The following GPD2 variants were observed in gnomAD, a reference collection of about 807,000 sequenced individuals.
GPD2 encodes glycerol-3-phosphate dehydrogenase 2.
A neutral mutation model predicts 82.4 loss-of-function variants in GPD2; 54 were observed. The observed-to-expected ratio is 0.66, with a 90% CI of 0.53 to 0.82. The LOEUF is 0.82. Among genes scored for constraint, GPD2 ranks in the 40% least tolerant of loss-of-function variants. The pLI is 0.00. For missense variants in GPD2, 748 were observed against 896.2 expected (o/e 0.83, Z 2.11); for synonymous variants, 288 against 306.1 (o/e 0.94, Z 0.62).
intron 1 of GPD2, among the ~76,000 whole-genome samples, chr2:156,451,849 T>TGGGCGGAGGGTCTCCTCACTTCTCAGAC (rs1558905110): frequency 2.7e-5 from 4 of 147,106 alleles, no homozygotes. Context: ...ACTTCTCAGA[T>TGGGCGGAGGGTCTCCTCACTTCTCAGAC]GGGCGGAGGG....
chr2:156,530,626 A>T (rs1329410507), intron 6 of GPD2, among the ~76,000 whole-genome samples: 1 of 151,882 alleles, frequency 6.6e-6, no homozygotes, highest in Non-Finnish European at 1.5e-5. Flanking sequence ...ATTTATTGAG[A>T]GTTTTTAGCA....
At chr2:156,441,524 G>A (rs1260457138) in intron 1 of GPD2, among the ~76,000 whole-genome samples, 3 of 152,090 alleles carry the variant, frequency 2.0e-5, no homozygotes, top group South Asian at 4.1e-4. Flanking sequence ...GTGCCACTAC[G>A]CTCCAGCCTG....
chr2:156,551,282 C>T (rs1339898297), intron 8 of GPD2, among the ~76,000 whole-genome samples: 1 of 151,884 alleles, frequency 6.6e-6, no homozygotes, highest in Non-Finnish European at 1.5e-5. Flanking sequence ...AAGAAATGGG[C>T]AGGAGTAGAG....
rs1683483720 is a variant in GPD2 at position 156,475,648 on chromosome 2, C to A, written c.-8-450C>A. ...TACCACAATTTGAATTAAACACTTG[C>A]CAAAGAACCTGAAGCAAGCTGATGT... is the stretch of plus-strand genomic sequence containing the variant. On this transcript the variant is annotated intron_variant, in intron 1 of 16. Coordinates refer to ENST00000438166, the MANE Select transcript of GPD2 (RefSeq NM_000408.5). Among the ~76,000 whole-genome samples the A allele has an allele frequency of 1.3e-5, 2 of 152,174 alleles. 1 individual carries two copies. Among genetic ancestry groups the A allele is most frequent in the South Asian group, 4.1e-4 (2 of 4,826 alleles).
At chr2:156,420,863 G>A in the GPD2 span, among the ~76,000 whole-genome samples, 1 of 152,150 alleles carries the variant, frequency 6.6e-6, no homozygotes, top group Non-Finnish European at 1.5e-5. Context: ...GAGATACAAG[G>A]CTCCTTGCTG....
At chr2:156,520,197 T>C (rs933329884) in intron 6 of GPD2, among the ~76,000 whole-genome samples, 1 of 152,052 alleles carries the variant, frequency 6.6e-6, no homozygotes, top group Non-Finnish European at 1.5e-5. Context: ...AGGTACAGGA[T>C]GGGGGTGTTG....
At chr2:156,574,886 A>G (rs1332295087) in intron 13 of GPD2, among the ~76,000 whole-genome samples, 1 of 152,346 alleles carries the variant, frequency 6.6e-6, no homozygotes, top group Middle Eastern at 3.4e-3. Flanking sequence ...GGTGGCAGGC[A>G]TCATATTCTT....
chr2:156,452,375 A>C (rs1168175307), intron 1 of GPD2, among the ~76,000 whole-genome samples: 1 of 152,230 alleles, frequency 6.6e-6, no homozygotes, highest in Non-Finnish European at 1.5e-5. Context: ...AACACAGCAA[A>C]ACCCCGTCTC....
At chr2:156,526,982 C>T (rs1685631824) in intron 6 of GPD2, among the ~76,000 whole-genome samples, 1 of 152,160 alleles carries the variant, frequency 6.6e-6, no homozygotes, top group Non-Finnish European at 1.5e-5. Context: ...CTGCTGTACC[C>T]ATTCTTCACA....
chr2:156,456,938 G>A (rs1177773540), intron 1 of GPD2, among the ~76,000 whole-genome samples: 1 of 152,194 alleles, frequency 6.6e-6, no homozygotes, highest in Non-Finnish European at 1.5e-5. Context: ...TGGCACTTGA[G>A]ATGGGATCAC....
intron 1 of GPD2, among the ~76,000 whole-genome samples, chr2:156,464,565 G>A (rs1242319325): frequency 2.6e-5 from 4 of 152,036 alleles, no homozygotes; most frequent in East Asian, 1.9e-4. Context: ...CCACCACAGC[G>A]CACTTCTTGA....
At chr2:156,440,190 T>C (rs1025071415) in intron 1 of GPD2, among the ~76,000 whole-genome samples, 1 of 152,210 alleles carries the variant, frequency 6.6e-6, no homozygotes, top group Non-Finnish European at 1.5e-5. Flanking sequence ...TGTGTTTTAC[T>C]TTTCTTTGTT....
chr2:156,542,979 G>A (rs542679114), intron 6 of GPD2, among the ~76,000 whole-genome samples: 1 of 152,132 alleles, frequency 6.6e-6, no homozygotes, highest in African/African-American at 2.4e-5. Flanking sequence ...TGGTTGCCTA[G>A]TACCTTGACC....
Position 156,496,179 on chromosome 2 carries a change from A to C in GPD2, c.238A>C (p.Thr80Pro), listed in dbSNP as rs1684366402. The change falls in exon 3 of 17, where the codon ACA becomes CCA. Residue 80 changes from threonine to proline, a missense_variant. Physicochemically the swap from Thr to Pro is conservative, Grantham distance 38 (BLOSUM62 -1). Around this residue, in one of 3 missense-constraint regions of GPD2, gnomAD observed 692 missense variants for 809.7 expected, o/e 0.85. Transcript: ENST00000438166. Reference protein sequence around the residue: ...FDILVIGGGATGSGCALDAVT... With the variant: ...FDILVIGGGAPGSGCALDAVT... ...TATCCTTGTTATTGGAGGAGGAGCA[A>C]CAGGAAGTGGCTGTGCGCTAGATGC... The C allele has an allele frequency of 1.2e-6, 2 of 1,613,154 alleles. No homozygotes were observed. Among genetic ancestry groups the C allele is most frequent in the Admixed American group, 1.7e-5 (1 of 59,988 alleles).
At chr2:156,400,706 C>T in the GPD2 span, among the ~76,000 whole-genome samples, 19 of 152,266 alleles carry the variant, frequency 1.2e-4, no homozygotes, top group African/African-American at 4.3e-4. Context: ...GATCTTAATA[C>T]AGTAATTTGA....
chr2:156,570,812 A>G (rs1312224251), intron 12 of GPD2, among the ~76,000 whole-genome samples: 2 of 152,186 alleles, frequency 1.3e-5, no homozygotes, highest in Non-Finnish European at 2.9e-5. Context: ...TAAAATCCAC[A>G]TTATGTATAA....
At chr2:156,425,095 T>TTTG in the GPD2 span, among the ~76,000 whole-genome samples, 2 of 151,540 alleles carry the variant, frequency 1.3e-5, no homozygotes, top group Admixed American at 6.6e-5. Context: ...TTTTATTTTT[T>TTTG]TTTTTGTTTT....
intron 6 of GPD2, among the ~76,000 whole-genome samples, chr2:156,520,835 C>T (rs925865506): frequency 6.6e-6 from 1 of 152,178 alleles, no homozygotes; most frequent in South Asian, 2.1e-4. Flanking sequence ...GTCCGCCTGC[C>T]TCAGCCTCTC....
At chr2:156,462,971 A>T (rs1683041371) in intron 1 of GPD2, among the ~76,000 whole-genome samples, 1 of 152,220 alleles carries the variant, frequency 6.6e-6, no homozygotes, top group Admixed American at 6.5e-5. Flanking sequence ...TAAAGTATTA[A>T]AAAAGAAGTG....
Sources: gnomAD v4.1 joint callset for allele counts (sites outside exome capture counted in the v4.1 genomes callset) on GRCh38, gnomAD v4.1.1 for gene constraint, gnomAD v4.1.1 regional missense constraint, MANE v1.5 for transcripts, NCBI Gene and HGNC (gene_info 2026-07-23, HGNC 2026-07-21) for gene names.